RBFOX3: variants seen among roughly 807,000 people sequenced by gnomAD.
The protein encoded by RBFOX3 is RNA binding protein fox-1 homolog 3.
A neutral mutation model predicts 48.7 loss-of-function variants in RBFOX3; 17 were observed. That is an observed-to-expected ratio of 0.35 (90% CI 0.24 to 0.52). The LOEUF (loss-of-function observed/expected upper bound fraction) is 0.52, where lower values mean the gene tolerates loss of function less well. Among genes scored for constraint, RBFOX3 ranks in the 20% least tolerant of loss-of-function variants. The probability of loss-of-function intolerance (pLI) is 0.94; values close to 1 mark genes in which losing one functional copy is unlikely to be tolerated. For missense variants in RBFOX3, 382 were observed against 497.5 expected (o/e 0.77, Z 2.21); for synonymous variants, 212 against 209.5 (o/e 1.01, Z -0.10).
At chr17:79,125,231 T>G (rs11867923) in intron 4 of RBFOX3, among the ~76,000 whole-genome samples, 282 of 152,180 alleles carry the variant, frequency 1.9e-3, no homozygotes, top group Non-Finnish European at 2.6e-3. Context: ...TGGCTGGCTG[T>G]CTGAGCCACA....
At chr17:79,405,292 C>T (rs2063395733) in intron 2 of RBFOX3, among the ~76,000 whole-genome samples, 1 of 152,186 alleles carries the variant, frequency 6.6e-6, no homozygotes, top group African/African-American at 2.4e-5. Context: ...CCCTCCGCCG[C>T]CCGACAACCT....
intron 3 of RBFOX3, among the ~76,000 whole-genome samples, chr17:79,265,674 C>T (rs561236682): frequency 3.3e-5 from 5 of 152,212 alleles, no homozygotes; most frequent in Admixed American, 6.5e-5. Flanking sequence ...GCTTAGTTTC[C>T]GAATGCCTTT....
intron 4 of RBFOX3, among the ~76,000 whole-genome samples, chr17:79,225,291 C>CTTTTTTTTTTTT (rs58461275): frequency 7.8e-6 from 1 of 128,090 alleles, no homozygotes; most frequent in African/African-American, 2.9e-5. Flanking sequence ...TCCCTCCATT[C>CTTTTTTTTTTTT]TTTTTTTTTT....
chr17:79,546,736 C>G (rs1455430074), intron 1 of RBFOX3, among the ~76,000 whole-genome samples: 2 of 147,398 alleles, frequency 1.4e-5, no homozygotes, highest in South Asian at 2.1e-4. Context: ...GTGGTGCTAT[C>G]TCTGCTCACT....
Position 79,585,293 on chromosome 17 carries a change from C to T in RBFOX3, c.-320+25533G>A, listed in dbSNP as rs960278220. The stretch of plus-strand genomic sequence containing the variant: ...TTTTAAAAGGCCAGATGATGGCTCA[C>T]GCCTGTAATCCCAGCAATCTGGGAG... On this transcript the variant is annotated intron_variant, in intron 1 of 14. Transcript: ENST00000693108. Among the ~76,000 whole-genome samples, 90 of 152,180 alleles carry T rather than the reference C, an allele frequency of 5.9e-4. 1 individual carries two copies. The highest frequency in any genetic ancestry group is 2.1e-3 in the African/African-American group (86 of 41,548).
At chr17:79,309,037 G>A (rs907507945) in intron 2 of RBFOX3, among the ~76,000 whole-genome samples, 8 of 151,014 alleles carry the variant, frequency 5.3e-5, no homozygotes, top group African/African-American at 2.0e-4. Flanking sequence ...AACCTGGGAG[G>A]CAGAGATTGC....
rs149986399 is a variant in RBFOX3, at chr17:79,117,843, A to G, written c.-33-2095T>C. ...GGTGGGGCCTGCAGTCCAGCGGGAA[A>G]GGAAAGCTTCAGAGAACAATGACCC... On this transcript the variant is annotated intron_variant, in intron 4 of 14. Coordinates refer to ENST00000693108, the MANE Select transcript of RBFOX3 (RefSeq NM_001350451.2). 5.4e-3 allele frequency among the ~76,000 whole-genome samples: 823 copies of G among 152,342 alleles called. 8 individuals are homozygous for G. Among genetic ancestry groups the G allele is most frequent in the African/African-American group, 0.019 (787 of 41,574 alleles).
At chr17:79,440,928 G>C (rs542176347) in intron 2 of RBFOX3, among the ~76,000 whole-genome samples, 2 of 152,226 alleles carry the variant, frequency 1.3e-5, no homozygotes, top group African/African-American at 4.8e-5. Flanking sequence ...CCCAGCCCTC[G>C]CACGGTGAGT....
chr17:79,605,910 C>G (rs2093818770), intron 1 of RBFOX3, among the ~76,000 whole-genome samples: 2 of 152,278 alleles, frequency 1.3e-5, no homozygotes, highest in Admixed American at 1.3e-4. Flanking sequence ...CAAGGGAAGA[C>G]TGATTTTCAC....
the RBFOX3 span, among the ~76,000 whole-genome samples, chr17:79,636,620 G>C: frequency 6.6e-6 from 1 of 151,982 alleles, no homozygotes; most frequent in Non-Finnish European, 1.5e-5. Flanking sequence ...ATAACTATAA[G>C]ATGTTTTATG....
At chr17:79,149,990 T>TGGGGGTG (rs1555716694) in intron 4 of RBFOX3, among the ~76,000 whole-genome samples, 2 of 11,580 alleles carry the variant, frequency 1.7e-4, no homozygotes, top group Non-Finnish European at 3.7e-4. Flanking sequence ...GGGATGGGGA[T>TGGGGGTG]GGGGGTGGGG....
intron 4 of RBFOX3, chr17:79,235,119 C>G (rs2061488498): frequency 6.6e-6 from 1 of 152,088 alleles, no homozygotes; most frequent in Admixed American, 6.5e-5. Flanking sequence ...AAGCATCATA[C>G]TTGTATAATA....
intron 4 of RBFOX3, among the ~76,000 whole-genome samples, chr17:79,146,216 C>T (rs1044099289): frequency 9.9e-5 from 15 of 152,146 alleles, no homozygotes; most frequent in African/African-American, 3.1e-4. Context: ...GTTGAAGACC[C>T]CTGACGTAGG....
intron 1 of RBFOX3, among the ~76,000 whole-genome samples, chr17:79,508,280 G>A (rs1250537321): frequency 6.6e-6 from 1 of 152,132 alleles, no homozygotes; most frequent in African/African-American, 2.4e-5. Flanking sequence ...CAGCACAGGG[G>A]CCTTCCGGAG....
chr17:79,504,037 G>A (rs1433603675), intron 1 of RBFOX3, among the ~76,000 whole-genome samples: 1 of 150,118 alleles, frequency 6.7e-6, no homozygotes, highest in Non-Finnish European at 1.5e-5. Context: ...CAGGTGGCAG[G>A]GTGCTCCAGG....
intron 4 of RBFOX3, among the ~76,000 whole-genome samples, chr17:79,165,493 C>CG (rs1406784654): frequency 6.6e-6 from 1 of 152,028 alleles, no homozygotes; most frequent in Admixed American, 6.5e-5. Flanking sequence ...GGACAGGTGG[C>CG]GGGGGCCCCT....
At chr17:79,271,608 G>A (rs967627025) in intron 3 of RBFOX3, among the ~76,000 whole-genome samples, 1 of 152,174 alleles carries the variant, frequency 6.6e-6, no homozygotes, top group South Asian at 2.1e-4. Flanking sequence ...CTACCACCAA[G>A]TCTTTCTTCT....
chr17:79,351,246 G>A (rs546662322), intron 2 of RBFOX3, among the ~76,000 whole-genome samples: 71 of 152,326 alleles, frequency 4.7e-4, no homozygotes, highest in Middle Eastern at 3.4e-3. Flanking sequence ...CTGAGTCGCT[G>A]TGTTCAATTC....
intron 1 of RBFOX3, among the ~76,000 whole-genome samples, chr17:79,558,701 G>T (rs2091959301): frequency 1.3e-5 from 2 of 152,208 alleles, no homozygotes; most frequent in Admixed American, 6.5e-5. Context: ...CGGGGATTGG[G>T]TTAGTCAACC....
Sources: allele counts gnomAD v4.1 joint callset (sites outside exome capture counted in the v4.1 genomes callset), GRCh38; gene constraint gnomAD v4.1.1; transcripts MANE v1.5; gene names NCBI Gene and HGNC (gene_info 2026-07-23, HGNC 2026-07-21).